WWOX: variants seen among roughly 807,000 people sequenced by gnomAD.
WWOX encodes the protein WW domain-containing oxidoreductase.
In WWOX, 69 loss-of-function variants were observed where a neutral mutation model predicts 46.2. That is an observed-to-expected ratio of 1.49 (90% CI 1.23 to 1.82). WWOX has a LOEUF of 1.82. WWOX is among the 40% of genes most tolerant of loss of function. The probability of loss-of-function intolerance (pLI) is 0.00; values close to 1 mark genes in which losing one functional copy is unlikely to be tolerated. For missense variants in WWOX, 919 were observed against 542.6 expected (o/e 1.69, Z -6.89); for synonymous variants, 359 against 202.6 (o/e 1.77, Z -6.56).
chr16:78,904,688 G>C (rs903863988), intron 8 of WWOX, among the ~76,000 whole-genome samples: 2 of 152,098 alleles, frequency 1.3e-5, no homozygotes, highest in Admixed American at 1.3e-4. Context: ...TTGGGGAGCA[G>C]GTAATTATGC....
chr16:78,428,777 G>C (rs758644975), intron 7 of WWOX, among the ~76,000 whole-genome samples: 10 of 152,328 alleles, frequency 6.6e-5, no homozygotes, highest in Middle Eastern at 3.4e-3. Context: ...GGAAGCTGAG[G>C]CAGGAGGATC....
intron 8 of WWOX, among the ~76,000 whole-genome samples, chr16:78,850,684 T>C (rs1451582341): frequency 6.6e-6 from 1 of 152,208 alleles, no homozygotes; most frequent in Non-Finnish European, 1.5e-5. Flanking sequence ...CAGGACCTAC[T>C]TGTGTCTCTG....
chr16:78,276,090 C>G (rs2079572403), intron 5 of WWOX, among the ~76,000 whole-genome samples: 1 of 152,200 alleles, frequency 6.6e-6, no homozygotes, highest in African/African-American at 2.4e-5. Context: ...GCTGCAGTTT[C>G]ATGATGGCAA....
intron 8 of WWOX, among the ~76,000 whole-genome samples, chr16:78,881,123 G>C (rs1054705864): frequency 2.6e-5 from 4 of 151,694 alleles, no homozygotes; most frequent in African/African-American, 9.7e-5. Context: ...TCCCAAGGGA[G>C]CTGGGACCAC....
At chr16:78,915,152 C>G (rs878919368) in intron 8 of WWOX, among the ~76,000 whole-genome samples, 6 of 152,206 alleles carry the variant, frequency 3.9e-5, no homozygotes, top group Admixed American at 2.0e-4. Context: ...AAATTACTCT[C>G]CAGTTTTCTT....
At chr16:78,435,920 T>A (rs2083324748) in intron 8 of WWOX, among the ~76,000 whole-genome samples, 1 of 152,198 alleles carries the variant, frequency 6.6e-6, no homozygotes, top group African/African-American at 2.4e-5. Flanking sequence ...ATAATCTGGC[T>A]CTCCAGTATG....
chr16:78,446,023 C>G lies in WWOX; in HGVS notation c.1056+13271C>G, dbSNP rs148383293. On this transcript the variant is annotated intron_variant, in intron 8 of 8. Coordinates refer to ENST00000566780, the MANE Select transcript of WWOX (RefSeq NM_016373.4). The stretch of plus-strand genomic sequence containing the variant: ...AAATGCGTAGCTGGCTGTATGTGGA[C>G]TGATAACTGGGCTTATTTTGCTTCT... 3.9e-3 allele frequency among the ~76,000 whole-genome samples: 599 copies of G among 152,272 alleles called. 2 individuals carry two copies. The highest frequency in any genetic ancestry group is 6.6e-3 in the Non-Finnish European group (448 of 68,024).
chr16:78,604,658 C>T (rs1395370932), intron 8 of WWOX, among the ~76,000 whole-genome samples: 1 of 134,034 alleles, frequency 7.5e-6, no homozygotes, highest in Admixed American at 7.4e-5. Flanking sequence ...AAAAAGATTC[C>T]TTCCTTCCTT....
intron 8 of WWOX, among the ~76,000 whole-genome samples, chr16:78,489,702 G>A (rs1164088422): frequency 2.6e-5 from 4 of 152,170 alleles, no homozygotes; most frequent in Admixed American, 6.5e-5. Context: ...CCTGAGCTGG[G>A]CCCTGGCATG....
intron 8 of WWOX, chr16:78,891,533 C>T (rs766221335): frequency 7.2e-5 from 11 of 152,156 alleles, no homozygotes; most frequent in Non-Finnish European, 1.3e-4. Context: ...TAAAACACTA[C>T]CCCTAGGTTA....
chr16:79,168,513 G>T (rs2050638351), intron 8 of WWOX, among the ~76,000 whole-genome samples: 1 of 152,138 alleles, frequency 6.6e-6, no homozygotes, highest in African/African-American at 2.4e-5. Flanking sequence ...TCCAGTCCCT[G>T]TTATTTCAGT....
intron 5 of WWOX, among the ~76,000 whole-genome samples, chr16:78,385,421 AACATGTATCGTT>A (rs1167805775): frequency 6.6e-6 from 1 of 152,218 alleles, no homozygotes; most frequent in Non-Finnish European, 1.5e-5. Context: ...GGAACTTATG[AACATGTATCGTT>A]ACAAACCTAT....
chr16:78,552,931 A>T (rs572132523), intron 8 of WWOX: 1 of 152,398 alleles, frequency 6.6e-6, no homozygotes, highest in East Asian at 1.9e-4. Context: ...GTTACCTGGG[A>T]AAGCCCCAGG....
intron 8 of WWOX, among the ~76,000 whole-genome samples, chr16:78,568,001 C>G (rs143667136): frequency 2.6e-5 from 4 of 152,290 alleles, no homozygotes; most frequent in East Asian, 3.9e-4. Context: ...TCTAGAGCCT[C>G]TGTTCACTAC....
intron 8 of WWOX, among the ~76,000 whole-genome samples, chr16:78,576,442 G>A (rs532033017): frequency 1.3e-5 from 2 of 152,158 alleles, no homozygotes; most frequent in Non-Finnish European, 2.9e-5. Context: ...GTCTGGAGGC[G>A]TTGGGCTTGG....
chr16:78,852,353 C>A (rs1567604386), intron 8 of WWOX, among the ~76,000 whole-genome samples: 1 of 152,200 alleles, frequency 6.6e-6, no homozygotes, highest in Admixed American at 6.5e-5. Context: ...ATTTGGACTT[C>A]TGCTTTGCTT....
intron 8 of WWOX, among the ~76,000 whole-genome samples, chr16:78,467,303 T>C (rs1427111543): frequency 6.6e-6 from 1 of 152,186 alleles, no homozygotes; most frequent in Non-Finnish European, 1.5e-5. Flanking sequence ...TATATACCCA[T>C]ATACACACAG....
At chr16:78,391,447 T>A (rs2082172827) in intron 6 of WWOX, among the ~76,000 whole-genome samples, 1 of 152,204 alleles carries the variant, frequency 6.6e-6, no homozygotes, top group Non-Finnish European at 1.5e-5. Context: ...AGATCCAGAA[T>A]TTGAACCCAA....
At chr16:78,288,099 A>G (rs2151858799) in intron 5 of WWOX, among the ~76,000 whole-genome samples, 1 of 152,260 alleles carries the variant, frequency 6.6e-6, no homozygotes, top group South Asian at 2.1e-4. Context: ...TGATTTTTTT[A>G]ATGCCTGCTA....
Sources: gnomAD v4.1 joint callset for allele counts (sites outside exome capture counted in the v4.1 genomes callset) on GRCh38, gnomAD v4.1.1 for gene constraint, MANE v1.5 for transcripts, NCBI Gene and HGNC (gene_info 2026-07-23, HGNC 2026-07-21) for gene names.